The following SLC35D4 variants were observed in gnomAD, a reference collection of about 807,000 sequenced individuals.
The protein encoded by SLC35D4 is UDP-N-acetylglucosamine transporter SLC35D4.
chr18:23,323,342 A>G, the SLC35D4 span, among the ~76,000 whole-genome samples: 1 of 152,192 alleles, frequency 6.6e-6, no homozygotes, highest in East Asian at 1.9e-4. Context: ...CAGACCCCAG[A>G]CCCCGACACT....
At chr18:23,373,060 T>C in the SLC35D4 span, among the ~76,000 whole-genome samples, 1 of 152,272 alleles carries the variant, frequency 6.6e-6, no homozygotes, top group Middle Eastern at 3.4e-3. Flanking sequence ...ACGCCTGTAA[T>C]ACCAGCACCT....
chr18:23,380,721 T>C, the SLC35D4 span, among the ~76,000 whole-genome samples: 2 of 152,140 alleles, frequency 1.3e-5, no homozygotes, highest in Non-Finnish European at 2.9e-5. Flanking sequence ...CTATAATAAA[T>C]AATTCTGCAA....
At chr18:23,241,202 T>A in the SLC35D4 span, among the ~76,000 whole-genome samples, 1 of 152,162 alleles carries the variant, frequency 6.6e-6, no homozygotes, top group Non-Finnish European at 1.5e-5. Flanking sequence ...CCCCATGTCA[T>A]GTGTGTCAGT....
chr18:23,352,326 G>T, the SLC35D4 span: 3 of 1,567,038 alleles, frequency 1.9e-6, no homozygotes, highest in Non-Finnish European at 2.6e-6. Flanking sequence ...AGTGAGGCTT[G>T]TCTTCCCTTA....
the SLC35D4 span, chr18:23,370,137 C>T: frequency 1.6e-6 from 2 of 1,287,492 alleles, no homozygotes; most frequent in Admixed American, 2.3e-5. Flanking sequence ...TGAGACCGCG[C>T]CATTGCACTC....
At chr18:23,245,861 C>T in the SLC35D4 span, among the ~76,000 whole-genome samples, 2 of 152,276 alleles carry the variant, frequency 1.3e-5, no homozygotes, top group African/African-American at 2.4e-5. Flanking sequence ...AAAAACACAA[C>T]TGCCTGCTGC....
chr18:23,405,347 C>T, the SLC35D4 span, among the ~76,000 whole-genome samples: 9 of 152,106 alleles, frequency 5.9e-5, no homozygotes, highest in Admixed American at 1.3e-4. Context: ...ACTACCACGC[C>T]TGGCTAATTT....
At chr18:23,371,935 G>GTTTTTTTTTTTTTTTTTTTTTTTTT in the SLC35D4 span, among the ~76,000 whole-genome samples, 7 of 35,478 alleles carry the variant, frequency 2.0e-4, 1 homozygote, top group Middle Eastern at 0.053. Flanking sequence ...TGTTTTTTTT[G>GTTTTTTTTTTTTTTTTTTTTTTTTT]TTTTTTTTTT....
the SLC35D4 span, among the ~76,000 whole-genome samples, chr18:23,342,712 A>T: frequency 4.7e-4 from 71 of 152,346 alleles, no homozygotes; most frequent in South Asian, 6.2e-4. Context: ...GTTTCTCCAC[A>T]TCCTTGCCAA....
chr18:23,329,442 G>A, the SLC35D4 span, among the ~76,000 whole-genome samples: 1 of 152,182 alleles, frequency 6.6e-6, no homozygotes, highest in South Asian at 2.1e-4. Flanking sequence ...GCAGCCAACA[G>A]ACACATGAAA....
the SLC35D4 span, chr18:23,352,257 G>C: frequency 2.5e-6 from 4 of 1,610,666 alleles, no homozygotes; most frequent in Non-Finnish European, 3.4e-6. Flanking sequence ...TAGCTTCACT[G>C]TACTGAACAT....
the SLC35D4 span, among the ~76,000 whole-genome samples, chr18:23,322,175 T>C: frequency 6.6e-6 from 1 of 152,356 alleles, no homozygotes; most frequent in Non-Finnish European, 1.5e-5. Context: ...ACACAGTCTC[T>C]TCTCTTGAAT....
At chr18:23,252,270 A>T in the SLC35D4 span, among the ~76,000 whole-genome samples, 1 of 152,150 alleles carries the variant, frequency 6.6e-6, no homozygotes, top group Non-Finnish European at 1.5e-5. Flanking sequence ...GGAAGATGAA[A>T]AGATTCTGTG....
the SLC35D4 span, among the ~76,000 whole-genome samples, chr18:23,353,982 CA>C: frequency 1.9e-4 from 29 of 152,324 alleles, no homozygotes; most frequent in African/African-American, 6.5e-4. Context: ...GGCACAGGTA[CA>C]ATTAGAATCC....
At chr18:23,346,202 T>C in the SLC35D4 span, among the ~76,000 whole-genome samples, 1 of 152,146 alleles carries the variant, frequency 6.6e-6, no homozygotes, top group Non-Finnish European at 1.5e-5. Context: ...GTGGTGACAA[T>C]AGCTCACTGC....
chr18:23,396,841 G>A, the SLC35D4 span, among the ~76,000 whole-genome samples: 1 of 151,742 alleles, frequency 6.6e-6, no homozygotes, highest in African/African-American at 2.4e-5. Context: ...TCAATGCATC[G>A]CTTCCTCCTT....
the SLC35D4 span, among the ~76,000 whole-genome samples, chr18:23,318,350 T>C: frequency 6.5e-4 from 99 of 152,350 alleles, no homozygotes; most frequent in South Asian, 0.019. Flanking sequence ...ATCAGATATA[T>C]GATTTGTTTG....
chr18:23,423,593 C>A, the SLC35D4 span, among the ~76,000 whole-genome samples: 11 of 152,088 alleles, frequency 7.2e-5, no homozygotes, highest in Non-Finnish European at 7.3e-5. Flanking sequence ...TTGAGAAACC[C>A]CGGTCTAGTG....
chr18:23,358,600 T>C, the SLC35D4 span, among the ~76,000 whole-genome samples: 12 of 152,118 alleles, frequency 7.9e-5, no homozygotes, highest in Admixed American at 5.9e-4. Context: ...ACACACCACT[T>C]AGCTGACTTC....
Sources: gnomAD v4.1 joint callset for allele counts (sites outside exome capture counted in the v4.1 genomes callset) on GRCh38, gnomAD v4.1.1 for gene constraint, MANE v1.5 for transcripts, NCBI Gene and HGNC (gene_info 2026-07-23, HGNC 2026-07-21) for gene names.